The following LRMDA variants were observed in gnomAD, a reference collection of about 807,000 sequenced individuals.
LRMDA encodes the protein leucine rich melanocyte differentiation associated, also known as leucine-rich melanocyte differentiation-associated protein.
A neutral mutation model predicts 29.8 loss-of-function variants in LRMDA; 18 were observed. The ratio of observed to expected loss-of-function variants is 0.60; its 90% confidence interval spans 0.42 to 0.90. The LOEUF (loss-of-function observed/expected upper bound fraction) is 0.90, where lower values mean the gene tolerates loss of function less well. LRMDA is among the 40% of genes least tolerant of loss of function. The pLI, the probability that LRMDA is intolerant of heterozygous loss-of-function variation, is 0.00. For missense variants in LRMDA, 273 were observed against 273.9 expected (o/e 1.00, Z 0.02); for synonymous variants, 125 against 109.4 (o/e 1.14, Z -0.89).
At chr10:76,267,472 T>A (rs1840020945) in intron 5 of LRMDA, among the ~76,000 whole-genome samples, 1 of 152,172 alleles carries the variant, frequency 6.6e-6, no homozygotes, top group African/African-American at 2.4e-5. Flanking sequence ...TATTAAGCAA[T>A]AACTCCCTAT....
At chr10:75,864,629 T>G (rs553252518) in intron 2 of LRMDA, among the ~76,000 whole-genome samples, 1 of 152,396 alleles carries the variant, frequency 6.6e-6, no homozygotes, top group African/African-American at 2.4e-5. Context: ...AGCTACACTT[T>G]CTGCTCTAAT....
chr10:75,467,162 G>T (rs558645460), intron 2 of LRMDA, among the ~76,000 whole-genome samples: 25 of 152,186 alleles, frequency 1.6e-4, no homozygotes, highest in African/African-American at 5.1e-4. Context: ...CATCCTGGAG[G>T]GGGTGGAAAG....
intron 6 of LRMDA, among the ~76,000 whole-genome samples, chr10:76,465,610 G>T (rs1343418331): frequency 6.6e-6 from 1 of 152,196 alleles, no homozygotes; most frequent in Non-Finnish European, 1.5e-5. Flanking sequence ...CTGGACACTA[G>T]CGTATGAGTT....
intron 2 of LRMDA, among the ~76,000 whole-genome samples, chr10:76,019,164 T>C (rs539707971): frequency 5.3e-5 from 8 of 152,202 alleles, no homozygotes; most frequent in Non-Finnish European, 1.2e-4. Flanking sequence ...GTGGTGTTTG[T>C]GGACAGCACA....
At chr10:76,544,701 T>G (rs1843397844) in intron 6 of LRMDA, among the ~76,000 whole-genome samples, 1 of 133,832 alleles carries the variant, frequency 7.5e-6, no homozygotes, top group Non-Finnish European at 1.6e-5. Context: ...TACATTTACA[T>G]ATATACATGC....
chr10:75,745,029 C>T (rs1248039915), intron 2 of LRMDA, among the ~76,000 whole-genome samples: 1 of 152,198 alleles, frequency 6.6e-6, no homozygotes, highest in Non-Finnish European at 1.5e-5. Flanking sequence ...ACACTGTTCC[C>T]TTCTCCTGGA....
At chr10:76,478,519 T>C (rs146033400) in intron 6 of LRMDA, among the ~76,000 whole-genome samples, 143,864 of 152,156 alleles carry the variant, frequency 0.95, 68,491 homozygotes, top group Non-Finnish European at 0.99. Context: ...ACTAGAAATA[T>C]CATTTGACCC....
chr10:75,824,202 GTATAT>G (rs1342476865), intron 2 of LRMDA, among the ~76,000 whole-genome samples: 1 of 152,052 alleles, frequency 6.6e-6, no homozygotes, highest in African/African-American at 2.4e-5. Context: ...ATTAAATGAA[GTATAT>G]TATCAAAATA....
intron 5 of LRMDA, among the ~76,000 whole-genome samples, chr10:76,210,571 G>GAT (rs1157496935): frequency 6.6e-6 from 1 of 152,142 alleles, no homozygotes; most frequent in Non-Finnish European, 1.5e-5. Context: ...AGATGTTTGG[G>GAT]ATATATATAT....
intron 2 of LRMDA, among the ~76,000 whole-genome samples, chr10:75,788,006 G>A (rs1258466566): frequency 6.6e-6 from 1 of 151,534 alleles, no homozygotes; most frequent in East Asian, 1.9e-4. Flanking sequence ...TCCAGCCTGG[G>A]CGACAGAGTG....
intron 5 of LRMDA, among the ~76,000 whole-genome samples, chr10:76,139,051 T>C (rs927082563): frequency 6.6e-6 from 1 of 152,178 alleles, no homozygotes; most frequent in Admixed American, 6.5e-5. Context: ...CAAGCGGAGA[T>C]AAACATGCTG....
intron 2 of LRMDA, among the ~76,000 whole-genome samples, chr10:75,988,371 A>C (rs1847298899): frequency 6.6e-6 from 1 of 152,048 alleles, no homozygotes; most frequent in African/African-American, 2.4e-5. Flanking sequence ...GGGGACCCAG[A>C]GACAGGTCTG....
chr10:76,037,287 C>T (rs1848265935), intron 3 of LRMDA, among the ~76,000 whole-genome samples: 1 of 152,166 alleles, frequency 6.6e-6, no homozygotes, highest in African/African-American at 2.4e-5. Context: ...TTGGATGGAA[C>T]ATTTGAGACC....
At position 75,481,022 on chromosome 10, in the gene LRMDA, G is replaced by A. The variant is rs1207832475; in HGVS notation, c.131+42528G>A. Among the ~76,000 whole-genome samples the A allele has an allele frequency of 2.0e-5, 3 of 152,168 alleles. No homozygotes were observed. The East Asian group carries it at 5.8e-4, about 29-fold the overall frequency. The stretch of plus-strand genomic sequence containing the variant: ...TGGGGAGGAACAGGGTTTTCAGGAT[G>A]GAGGGGATGAGGGGCAGATGAATTG... On this transcript the variant is annotated intron_variant, in intron 2 of 6. Transcript: ENST00000611255.
chr10:76,104,128 GTGTTTGTGTGTGTTGTGTT>G (rs1849441281), intron 5 of LRMDA, among the ~76,000 whole-genome samples: 1 of 151,904 alleles, frequency 6.6e-6, no homozygotes, highest in African/African-American at 2.4e-5. Context: ...GCTTTTGTGT[GTGTTTGTGTGTGTTGTGTT>G]TGTTTGTGTG....
At chr10:76,457,390 C>T (rs569435874) in intron 6 of LRMDA, among the ~76,000 whole-genome samples, 90 of 152,238 alleles carry the variant, frequency 5.9e-4, no homozygotes, top group Non-Finnish European at 8.1e-4. Flanking sequence ...TTGAGTTGCC[C>T]GATGTGCATG....
intron 6 of LRMDA, among the ~76,000 whole-genome samples, chr10:76,395,590 G>C (rs1391961875): frequency 1.3e-5 from 2 of 152,192 alleles, no homozygotes; most frequent in Non-Finnish European, 2.9e-5. Flanking sequence ...ACATGAATTA[G>C]AGCCATTTGT....
At chr10:75,948,172 C>T (rs1271249457) in intron 2 of LRMDA, among the ~76,000 whole-genome samples, 1 of 152,116 alleles carries the variant, frequency 6.6e-6, no homozygotes, top group Non-Finnish European at 1.5e-5. Context: ...TTAAAGGTGG[C>T]TTTTCTCAAA....
Position 76,451,206 on chromosome 10 carries a change from AT to A in LRMDA, c.602-105990del, listed in dbSNP as rs377314126. 6.0e-3 allele frequency among the ~76,000 whole-genome samples: 859 copies of A among 142,080 alleles called. 3 individuals are homozygous for A. The highest frequency in any genetic ancestry group is 0.017 in the African/African-American group (654 of 39,078). 93.2% of individuals were successfully genotyped at this position (142,080 alleles called of 152,430 possible). On this transcript the variant is annotated intron_variant, in intron 6 of 6. Transcript: ENST00000611255. ...ATTCTTCTGTGTGTTTCTGATTTGC[AT>A]TTTTTTTTTTTTGAGACAGAGTCTC...
Sources: allele counts gnomAD v4.1 joint callset (sites outside exome capture counted in the v4.1 genomes callset), GRCh38; gene constraint gnomAD v4.1.1; transcripts MANE v1.5; gene names NCBI Gene and HGNC (gene_info 2026-07-23, HGNC 2026-07-21).